Variants in CDH19 observed in about 807,000 individuals in gnomAD.
The protein encoded by CDH19 is cadherin 19.
In CDH19, 67 loss-of-function variants were observed where a neutral mutation model predicts 64.2. That is an observed-to-expected ratio of 1.04 (90% CI 0.86 to 1.28). The LOEUF (loss-of-function observed/expected upper bound fraction) is 1.28, where lower values mean the gene tolerates loss of function less well. CDH19 is among the 50% of genes most tolerant of loss of function. CDH19 has a pLI of 0.00. For synonymous variants in CDH19, 346 were observed against 319.3 expected (o/e 1.08, Z -0.89); for missense variants, 1,030 against 929.0 (o/e 1.11, Z -1.41).
intron 9 of CDH19, among the ~76,000 whole-genome samples, chr18:66,515,276 G>T (rs758374969): frequency 1.3e-5 from 2 of 151,610 alleles, no homozygotes; most frequent in Non-Finnish European, 3.0e-5. Flanking sequence ...CCATTGCCAA[G>T]AAATTATTAT....
intron 6 of CDH19, 38 bp downstream of exon 6, chr18:66,544,681 G>T: frequency 1.5e-6 from 2 of 1,363,216 alleles, no homozygotes; most frequent in South Asian, 1.4e-5. Context: ...TTTTAATTTT[G>T]CGCTATTCTG....
chr18:66,572,195 A>G lies in CDH19; in HGVS notation c.10T>C (p.Tyr4His). The change falls in exon 2 of 12, where the codon TAT (tyrosine) becomes CAT (histidine). Residue 4 changes from tyrosine to histidine, a missense_variant. Transcript: ENST00000262150. MNC[Y>H]LLLRFMLGIP... ...CCCAACATAAAACGCAGCAGTAAAT[A>G]ACAGTTCATTGCGTTGACTCTTTTG... is the stretch of plus-strand genomic sequence containing the variant. The G allele has an allele frequency of 1.2e-6, 2 of 1,610,140 alleles. No homozygotes were observed. The highest frequency in any genetic ancestry group is 8.5e-7 in the Non-Finnish European group (1 of 1,177,384).
rs1316162370 is a variant in CDH19 at position 66,504,059 on chromosome 18, C to T, written c.*753G>A. Reference sequence around the variant, plus strand: ...ACACTAAGATATCTTAATTCAGTGCCTTTCTCACATTAACCATTTAAAAAG... The same window carrying T: ...ACACTAAGATATCTTAATTCAGTGCTTTTCTCACATTAACCATTTAAAAAG... On this transcript the variant is annotated 3_prime_UTR_variant, in exon 12 of 12. Transcript: ENST00000262150. 1 of 151,808 alleles carries T rather than the reference C, an allele frequency of 6.6e-6. No homozygotes were observed. The highest frequency in any genetic ancestry group is 1.5e-5 in the Non-Finnish European group (1 of 67,896). The allele number at this position is 151,808 out of a possible 1,614,324, so 9.4% of individuals were successfully genotyped here.
At chr18:66,550,842 T>C (rs528838855) in intron 5 of CDH19, among the ~76,000 whole-genome samples, 2 of 152,208 alleles carry the variant, frequency 1.3e-5, no homozygotes, top group South Asian at 4.1e-4. Flanking sequence ...ATGAGACCCA[T>C]AATACATTTG....
At chr18:66,574,224 T>C (rs1321648409) in intron 1 of CDH19, among the ~76,000 whole-genome samples, 1 of 151,610 alleles carries the variant, frequency 6.6e-6, no homozygotes, top group African/African-American at 2.4e-5. Context: ...TGTGATTCAG[T>C]ATGTTTCTTT....
intron 1 of CDH19, among the ~76,000 whole-genome samples, chr18:66,580,736 G>C (rs1197277482): frequency 6.6e-6 from 1 of 151,780 alleles, no homozygotes; most frequent in South Asian, 2.1e-4. Flanking sequence ...TAATTCTAAG[G>C]AAAAAGCCCT....
Position 66,568,587 on chromosome 18 carries a change from T to C in CDH19, c.319A>G (p.Arg107Gly), listed in dbSNP as rs1215531193. 2 of 1,612,262 alleles carry C rather than the reference T, an allele frequency of 1.2e-6. No homozygotes were observed. The highest frequency in any genetic ancestry group is 1.7e-6 in the Non-Finnish European group (2 of 1,178,850). Reference protein sequence around the residue: ...GDIYAIQKLDREERSLYILRA... With the variant: ...GDIYAIQKLDGEERSLYILRA... Reference sequence around the variant, plus strand: ...AAGATGTAGAGGGATCGCTCCTCTCTATCAAGCTTCTGTATGGCATATATG... The same window carrying C: ...AAGATGTAGAGGGATCGCTCCTCTCCATCAAGCTTCTGTATGGCATATATG... Residue 107 changes from arginine (R) to glycine (G), a missense_variant, in exon 3 of 12, where the codon AGA becomes GGA. Transcript: ENST00000262150.
chr18:66,536,031 G>GA (rs1276457334), intron 7 of CDH19, among the ~76,000 whole-genome samples: 129 of 145,264 alleles, frequency 8.9e-4, no homozygotes, highest in Non-Finnish European at 1.6e-3. Context: ...TCTCCCAAGG[G>GA]AAAAAAAAAA....
intron 9 of CDH19, among the ~76,000 whole-genome samples, chr18:66,518,453 C>G (rs563815379): frequency 6.6e-6 from 1 of 151,918 alleles, no homozygotes; most frequent in Non-Finnish European, 1.5e-5. Flanking sequence ...AGGCTGGTCT[C>G]GAACTTCTGA....
At chr18:66,592,003 G>T (rs546917174) in intron 1 of CDH19, among the ~76,000 whole-genome samples, 59 of 151,870 alleles carry the variant, frequency 3.9e-4, no homozygotes, top group African/African-American at 1.3e-3. Context: ...CCACCTAATC[G>T]TTATGTTCCT....
chr18:66,588,626 C>CATATA (rs1988649990), intron 1 of CDH19, among the ~76,000 whole-genome samples: 1 of 113,612 alleles, frequency 8.8e-6, no homozygotes, highest in Non-Finnish European at 2.1e-5. Context: ...ATATCTATAT[C>CATATA]TATATATATA....
chr18:66,567,591 T>G (rs1987955926), intron 3 of CDH19, among the ~76,000 whole-genome samples: 1 of 151,870 alleles, frequency 6.6e-6, no homozygotes, highest in African/African-American at 2.4e-5. Flanking sequence ...AATTATATGA[T>G]GAAATATGTA....
At chr18:66,525,851 T>C (rs8086396) in intron 9 of CDH19, among the ~76,000 whole-genome samples, 2,604 of 152,108 alleles carry the variant, frequency 0.017, 66 homozygotes, top group African/African-American at 0.058. Flanking sequence ...CTTCCAGAAT[T>C]TGACAGCGAC....
chr18:66,598,671 C>G (rs1988964686), intron 1 of CDH19, among the ~76,000 whole-genome samples: 1 of 151,966 alleles, frequency 6.6e-6, no homozygotes, highest in Non-Finnish European at 1.5e-5. Flanking sequence ...ACACTGGGGC[C>G]TAACCTACTT....
At chr18:66,532,509 C>CACACAA in intron 8 of CDH19, 1 of 285,948 alleles carries the variant, frequency 3.5e-6, no homozygotes, top group Non-Finnish European at 6.9e-6. Flanking sequence ...CACACACACA[C>CACACAA]ACACACACAC....
chr18:66,535,196 T>C (rs2144441998), intron 7 of CDH19, 89 bp from the exon 8 acceptor site: 2 of 693,382 alleles, frequency 2.9e-6, no homozygotes, highest in East Asian at 3.1e-5. Flanking sequence ...AGACATCTTA[T>C]TCAATGCATG....
Position 66,529,725 on chromosome 18 carries a change from T to C in CDH19, c.1458+120A>G, listed in dbSNP as rs569830188. 7.5e-4 allele frequency: 201 copies of C among 266,490 alleles called. 1 individual carries two copies. The highest frequency in any genetic ancestry group is 4.6e-3 in the African/African-American group (196 of 42,828). The allele number at this position is 266,490 out of a possible 1,614,324, so 16.5% of individuals were successfully genotyped here. ...TACAATAATTATATAAATTATAATA[T>C]ATGAATATTAAAGATGTTGATATCT... On this transcript the variant is annotated intron_variant, in intron 9 of 11. Transcript: ENST00000262150.
intron 9 of CDH19, among the ~76,000 whole-genome samples, chr18:66,517,016 C>A (rs77340204): frequency 0.019 from 2,938 of 152,010 alleles, 89 homozygotes; most frequent in African/African-American, 0.066. Flanking sequence ...CCTAGGGATA[C>A]TGAAGAAAGG....
intron 5 of CDH19, among the ~76,000 whole-genome samples, chr18:66,547,889 G>A (rs972055755): frequency 7.0e-6 from 1 of 142,486 alleles, no homozygotes; most frequent in East Asian, 2.0e-4. Context: ...GGATGGTCTC[G>A]ATCTCCTGAC....
Sources: gnomAD v4.1 joint callset for allele counts (sites outside exome capture counted in the v4.1 genomes callset) on GRCh38, gnomAD v4.1.1 for gene constraint, MANE v1.5 for transcripts, NCBI Gene and HGNC (gene_info 2026-07-23, HGNC 2026-07-21) for gene names.